The following SNRPN variants were observed in gnomAD, a reference collection of about 807,000 sequenced individuals.
The protein encoded by SNRPN is small nuclear ribonucleoprotein-associated protein N.
Under a neutral mutation model 25.2 loss-of-function variants are expected in SNRPN, and 7 were observed. The ratio of observed to expected loss-of-function variants is 0.28; its 90% confidence interval spans 0.16 to 0.52. The LOEUF is 0.52. Among genes scored for constraint, SNRPN ranks in the 20% least tolerant of loss-of-function variants. SNRPN has a pLI of 0.96. For synonymous variants in SNRPN, 124 were observed against 110.6 expected (o/e 1.12, Z -0.76); for missense variants, 196 against 322.5 (o/e 0.61, Z 3.00).
rs1025942828 is a variant in SNRPN at position 24,863,461 on chromosome 15, A to G, written c.-579+6745A>G. Among the ~76,000 whole-genome samples the G allele has an allele frequency of 8.0e-5, 12 of 149,702 alleles. 1 individual carries two copies. The highest frequency in any genetic ancestry group is 7.3e-4 in the Admixed American group (11 of 15,134). On this transcript the variant is annotated intron_variant, in intron 1 of 11. Transcript: ENST00000400097. ...TGTCTCCATGGACATACAGATTTGCACGCATCTGTGTCTGCGTGTCCTCTC... is the reference window on the plus strand; with the variant it reads ...TGTCTCCATGGACATACAGATTTGCGCGCATCTGTGTCTGCGTGTCCTCTC...
intron 2 of SNRPN, among the ~76,000 whole-genome samples, chr15:24,887,712 G>A (rs962022987): frequency 5.3e-5 from 8 of 152,172 alleles, no homozygotes; most frequent in Non-Finnish European, 1.0e-4. Flanking sequence ...ACAGGCATCA[G>A]ACCTGGGATA....
At chr15:24,875,642 G>A (rs2149163069) in intron 1 of SNRPN, among the ~76,000 whole-genome samples, 1 of 152,182 alleles carries the variant, frequency 6.6e-6, no homozygotes, top group South Asian at 2.1e-4. Context: ...TTTTCCACTG[G>A]GCATGGTAGC....
At chr15:24,834,017 C>A (rs1315952208) in intron 2 of SNRPN, among the ~76,000 whole-genome samples, 2 of 152,134 alleles carry the variant, frequency 1.3e-5, no homozygotes, top group Non-Finnish European at 2.9e-5. Context: ...CCTCCACCTA[C>A]CAGATTCAAG....
chr15:24,882,276 T>G (rs1474880893), intron 1 of SNRPN, among the ~76,000 whole-genome samples: 4 of 152,170 alleles, frequency 2.6e-5, no homozygotes, highest in Non-Finnish European at 5.9e-5. Context: ...AGATTTTAAT[T>G]AAAATTTATT....
rs138215749 is a variant in SNRPN, at chr15:24,887,641, C to T, written c.-505+1052C>T. Among the ~76,000 whole-genome samples the T allele has an allele frequency of 1.8e-4, 28 of 152,248 alleles. No homozygotes were observed. In the East Asian group the frequency reaches 3.3e-3, roughly 18 times the overall value. On this transcript the variant is annotated intron_variant, in intron 2 of 11. Coordinates refer to the SNRPN transcript ENST00000400097. Reference sequence around the variant, plus strand: ...CTGAGATTTGTATACATTGGAGATTCAGAAAAATGTAACCGAAAATTAAAC... The same window carrying T: ...CTGAGATTTGTATACATTGGAGATTTAGAAAAATGTAACCGAAAATTAAAC...
chr15:24,885,605 C>T (rs11161151), intron 1 of SNRPN, among the ~76,000 whole-genome samples: 27,432 of 152,028 alleles, frequency 0.18, 2,690 homozygotes, highest in East Asian at 0.4. Context: ...TTTCCCACAT[C>T]TCTGCAACAT....
intron 1 of SNRPN, among the ~76,000 whole-genome samples, chr15:24,865,522 C>T (rs1019971823): frequency 3.9e-5 from 6 of 152,082 alleles, no homozygotes; most frequent in African/African-American, 7.2e-5. Flanking sequence ...AAGGCTGTAG[C>T]GATGGCTGTT....
chr15:24,844,198 C>T (rs900232252), intron 2 of SNRPN, among the ~76,000 whole-genome samples: 3 of 151,594 alleles, frequency 2.0e-5, no homozygotes, highest in Admixed American at 6.6e-5. Flanking sequence ...GTATATATAT[C>T]GACTCTTAAT....
chr15:24,924,531 A>G (rs1451969838), intron 3 of SNRPN, among the ~76,000 whole-genome samples: 1 of 152,094 alleles, frequency 6.6e-6, no homozygotes, highest in Non-Finnish European at 1.5e-5. Flanking sequence ...GCTGCTCCCC[A>G]CATAACCTCA....
At chr15:24,916,586 A>G (rs1282407448) in intron 2 of SNRPN, among the ~76,000 whole-genome samples, 2 of 152,206 alleles carry the variant, frequency 1.3e-5, no homozygotes, top group Non-Finnish European at 2.9e-5. Flanking sequence ...AAATACATAT[A>G]CATACATACA....
chr15:24,885,542 C>T (rs1417201135), intron 1 of SNRPN, among the ~76,000 whole-genome samples: 1 of 152,084 alleles, frequency 6.6e-6, no homozygotes, highest in Non-Finnish European at 1.5e-5. Flanking sequence ...AATAATTTAA[C>T]CATTTTGCTT....
At chr15:24,832,865 G>A (rs4414472) in intron 2 of SNRPN, among the ~76,000 whole-genome samples, 21,423 of 151,894 alleles carry the variant, frequency 0.14, 1,764 homozygotes, top group East Asian at 0.28. Flanking sequence ...CCAGCACTTT[G>A]GGAGGCCGAG....
chr15:24,976,018 T>G (rs1402873744), intron 5 of SNRPN, among the ~76,000 whole-genome samples: 28 of 152,252 alleles, frequency 1.8e-4, no homozygotes, highest in Admixed American at 1.8e-3. Flanking sequence ...AACCCAGGTT[T>G]CAATTTTGTT....
At chr15:24,912,896 A>G (rs2059298712) in intron 2 of SNRPN, among the ~76,000 whole-genome samples, 1 of 152,140 alleles carries the variant, frequency 6.6e-6, no homozygotes, top group Non-Finnish European at 1.5e-5. Context: ...CAGAAACACG[A>G]CAAATAAGTT....
intron 2 of SNRPN, among the ~76,000 whole-genome samples, chr15:24,966,136 A>G (rs931110303): frequency 2.6e-5 from 4 of 152,150 alleles, no homozygotes; most frequent in Non-Finnish European, 5.9e-5. Context: ...CAATGCAGAC[A>G]CCAACTCCAA....
chr15:24,828,612 G>A (rs1383162992), intron 1 of SNRPN, among the ~76,000 whole-genome samples: 1 of 152,106 alleles, frequency 6.6e-6, no homozygotes, highest in Non-Finnish European at 1.5e-5. Context: ...AGGATAGTAA[G>A]TAATAAGCAT....
intron 1 of SNRPN, among the ~76,000 whole-genome samples, chr15:24,879,414 AG>A (rs1168512206): frequency 6.6e-6 from 1 of 150,438 alleles, no homozygotes; most frequent in Non-Finnish European, 1.5e-5. Context: ...TCTAGCCTGG[AG>A]GACAGAGTGC....
chr15:24,904,038 C>CAA (rs772062635), intron 2 of SNRPN, among the ~76,000 whole-genome samples: 121 of 109,824 alleles, frequency 1.1e-3, no homozygotes, highest in Middle Eastern at 4.9e-3. Flanking sequence ...AGTCCTGTCT[C>CAA]AAAAAAAAAA....
At chr15:24,909,673 C>T in intron 2 of SNRPN, 2 of 1,241,674 alleles carry the variant, frequency 1.6e-6, no homozygotes, top group South Asian at 2.4e-5. Flanking sequence ...GAACTATCAT[C>T]CTGTATTTGA....
Sources: allele counts gnomAD v4.1 joint callset (sites outside exome capture counted in the v4.1 genomes callset), GRCh38; gene constraint gnomAD v4.1.1; transcripts MANE v1.5; gene names NCBI Gene and HGNC (gene_info 2026-07-23, HGNC 2026-07-21).